The following PRDM2 variants were observed in gnomAD, a reference collection of about 807,000 sequenced individuals.
The protein encoded by PRDM2 is PR/SET domain 2.
In PRDM2, 30 loss-of-function variants were observed where a neutral mutation model predicts 130.0. The observed-to-expected ratio is 0.23, with a 90% CI of 0.17 to 0.31. The LOEUF is 0.31. Among genes scored for constraint, PRDM2 ranks in the 10% least tolerant of loss-of-function variants. The pLI is 1.00. For missense variants in PRDM2, 2,011 were observed against 2,108.4 expected, an observed-to-expected ratio of 0.95 and a Z score of 0.90; for synonymous variants, 871 against 782.4, an observed-to-expected ratio of 1.11 and a Z score of -1.89.
Position 13,816,443 on chromosome 1 carries a change from G to A in PRDM2, c.5053G>A (p.Ala1685Thr), listed in dbSNP as rs747595980. The stretch of plus-strand genomic sequence containing the variant: ...CCTGCACAGCTACAGCCTCCGCTTG[G>A]CGTCCCGATGCTCTCCACCAGCGGC... Reference protein sequence around the residue: ...LKDFSYSLRLASRCSPPAAPY... With the variant: ...LKDFSYSLRLTSRCSPPAAPY... The change falls in exon 9 of 10, where the codon GCG becomes ACG. Residue 1685 changes from alanine to threonine, a missense_variant. Ala to Thr is a moderately conservative substitution (Grantham distance 58). This residue lies in a region of PRDM2 where 410 missense variants were observed against 395.9 expected (regional missense o/e 1.04). Transcript: ENST00000311066. 4 of 1,614,116 alleles carry A rather than the reference G, an allele frequency of 2.5e-6. No individual in the cohort carries two copies. The South Asian group carries it at 4.4e-5, about 18-fold the overall frequency.
rs767301563 is a variant in PRDM2 at position 13,816,409 on chromosome 1, G to T, written c.5037-18G>T. ...CTGGGCTCCTGTGACAATGTGTGTT[G>T]TTCCTCTTCCTGCACAGCTACAGCC... is the stretch of plus-strand genomic sequence containing the variant. On this transcript the variant is annotated intron_variant, in intron 8 of 9. Transcript: ENST00000311066. 22 of 1,613,710 alleles carry T rather than the reference G, an allele frequency of 1.4e-5. No homozygotes were observed. The South Asian group carries it at 2.2e-4, about 16-fold the overall frequency.
chr1:13,732,944 C>T (rs908317396), intron 4 of PRDM2, 62 bp downstream of exon 4: 2 of 1,114,764 alleles, frequency 1.8e-6, no homozygotes, highest in Admixed American at 2.7e-5. Flanking sequence ...TCTGTTCTCT[C>T]AGAATTTGAC....
At position 13,778,589 on chromosome 1, in the gene PRDM2, A is replaced by G. The variant is rs373992678; in HGVS notation, c.794A>G (p.Asp265Gly). ...GAAGCGGCAGCTTGTGAGGTGAATG[A>G]TTTGGGGGAAGAGGAGGAGGAGGAA... is the stretch of plus-strand genomic sequence containing the variant. ...RLEAAACEVN[D>G]LGEEEEEEEE... Residue 265 changes from aspartate (D) to glycine (G), a missense_variant, in exon 8 of 10, where the codon GAT becomes GGT. Asp to Gly is a moderately conservative substitution (Grantham distance 94). Coordinates refer to ENST00000311066, the MANE Select transcript of PRDM2 (RefSeq NM_001393986.1). 8.7e-6 allele frequency: 14 copies of G among 1,613,992 alleles called. No homozygotes were observed. The highest frequency in any genetic ancestry group is 1.2e-5 in the Non-Finnish European group (14 of 1,180,032).
At chr1:13,760,333 TA>T (rs140361467) in intron 6 of PRDM2, among the ~76,000 whole-genome samples, 11 of 148,752 alleles carry the variant, frequency 7.4e-5, no homozygotes, top group Middle Eastern at 3.5e-3. Flanking sequence ...CTAAGCACAT[TA>T]AAAAAAAAAC....
chr1:13,782,110 T>C lies in PRDM2; in HGVS notation c.4315T>C (p.Ser1439Pro). 1 of 1,613,610 alleles carries C rather than the reference T, an allele frequency of 6.2e-7. No individual in the cohort carries two copies. Among genetic ancestry groups the C allele is most frequent in the Non-Finnish European group, 8.5e-7 (1 of 1,179,946 alleles). The change falls in exon 8 of 10, where the codon TCT becomes CCT. Residue 1439 changes from serine (S) to proline (P), a missense_variant. Ser to Pro is a moderately conservative substitution (Grantham distance 74). Around this residue, in one of 5 missense-constraint regions of PRDM2, gnomAD observed 410 missense variants for 395.9 expected, o/e 1.04. Transcript: ENST00000311066. ...VQKAILQKNK[S>P]AKQKADLKNA... ...GAAAGCAATTCTTCAGAAAAACAAA[T>C]CTGCAAAGCAGAAGGCCGACTTGAA...
chr1:13,779,910 G>T lies in PRDM2; in HGVS notation c.2115G>T (p.Gly705=). 6.3e-7 allele frequency: 1 copy of T among 1,595,192 alleles called. No homozygotes were observed. The highest frequency in any genetic ancestry group is 8.5e-7 in the Non-Finnish European group (1 of 1,170,304). ...CCCAAGATAAACTAACTCCTGCAGG[G>T]ATTTCAGCAACTGAAATAGCTAAAT... The part of the protein sequence containing the change: ...LQTQDKLTPA[G]ISATEIAKLG... Residue 705 remains glycine (G), a synonymous_variant, in exon 8 of 10, where the codon GGG becomes GGT. Transcript: ENST00000311066. The surrounding 1 kb of genome is among the most constrained non-coding windows in gnomAD (Gnocchi z 4.9).
Position 13,806,732 on chromosome 1 carries a change from C to T in PRDM2, c.5037-9695C>T, listed in dbSNP as rs940959260. On this transcript the variant is annotated intron_variant, in intron 8 of 9. Transcript: ENST00000311066. This position sits in a 1 kb window ranked among gnomAD's most constrained non-coding sequence, Gnocchi z 4.1. Reference sequence around the variant, plus strand: ...GTGTCCCCAGTTCCTTCCCTGTCAACCCACGGTCTGTGCCCAGCACAGCAG... The same window carrying T: ...GTGTCCCCAGTTCCTTCCCTGTCAATCCACGGTCTGTGCCCAGCACAGCAG... Among the ~76,000 whole-genome samples, 1 of 152,180 alleles carries T rather than the reference C, an allele frequency of 6.6e-6. No individual in the cohort carries two copies. The highest frequency in any genetic ancestry group is 1.5e-5 in the Non-Finnish European group (1 of 68,038).
intron 1 of PRDM2, among the ~76,000 whole-genome samples, chr1:13,703,242 C>T (rs1642118154): frequency 6.6e-6 from 1 of 152,198 alleles, no homozygotes; most frequent in Admixed American, 6.5e-5. Context: ...TGAGAGAATT[C>T]TCTGTTGTGG....
chr1:13,814,184 C>T (rs1263226305), intron 8 of PRDM2, among the ~76,000 whole-genome samples: 1 of 152,224 alleles, frequency 6.6e-6, no homozygotes, highest in Non-Finnish European at 1.5e-5. Flanking sequence ...TCCTGGGGCA[C>T]CAGCCAGCTA....
chr1:13,799,738 G>A (rs970268597), intron 8 of PRDM2, among the ~76,000 whole-genome samples: 3 of 152,142 alleles, frequency 2.0e-5, no homozygotes, highest in Non-Finnish European at 2.9e-5. Flanking sequence ...TGTTTATGCC[G>A]CTTGTATTTA....
intron 4 of PRDM2, among the ~76,000 whole-genome samples, chr1:13,740,157 T>A (rs1371828509): frequency 6.6e-6 from 1 of 152,248 alleles, no homozygotes; most frequent in Non-Finnish European, 1.5e-5. Context: ...AACACTTTGC[T>A]TTTTGCAAAT....
intron 7 of PRDM2, among the ~76,000 whole-genome samples, chr1:13,774,967 CAAAAA>C (rs35869788): frequency 2.0e-5 from 2 of 99,472 alleles, no homozygotes; most frequent in Non-Finnish European, 4.0e-5. Context: ...GACTCCGTCT[CAAAAA>C]AAAAAAAAAA....
intron 1 of PRDM2, among the ~76,000 whole-genome samples, chr1:13,702,526 G>T (rs1239560109): frequency 6.6e-6 from 1 of 152,192 alleles, no homozygotes; most frequent in East Asian, 1.9e-4. Flanking sequence ...GTCATAAGAA[G>T]TAACACTCAA....
At chr1:13,744,254 A>T (rs1643536128) in intron 5 of PRDM2, among the ~76,000 whole-genome samples, 1 of 152,190 alleles carries the variant, frequency 6.6e-6, no homozygotes, top group Non-Finnish European at 1.5e-5. Context: ...TTAGATCTTG[A>T]CTTGCTGTGA....
In PRDM2 at chr1:13,824,498, G is replaced by A. The variant is rs972324637; in HGVS notation, c.*1363G>A. 12 of 152,116 alleles carry A rather than the reference G, an allele frequency of 7.9e-5. No homozygotes were observed. Among genetic ancestry groups the A allele is most frequent in the African/African-American group, 2.4e-4 (10 of 41,402 alleles). The allele number at this position is 152,116 out of a possible 1,614,324, so 9.4% of individuals were successfully genotyped here. On this transcript the variant is annotated 3_prime_UTR_variant, in exon 10 of 10. Transcript: ENST00000311066. ...TGAGTCAGTCAATCGGCTGCAGTAT[G>A]GGATCTGATAAGGATCTAGGAGAAG... is the stretch of plus-strand genomic sequence containing the variant.
chr1:13,770,337 G>A (rs750840408), intron 6 of PRDM2: 2 of 491,202 alleles, frequency 4.1e-6, no homozygotes, highest in Admixed American at 4.1e-5. Context: ...GTTTTAGACA[G>A]TTATGTGATT....
intron 8 of PRDM2, among the ~76,000 whole-genome samples, chr1:13,814,387 GC>G (rs1195683232): frequency 6.6e-6 from 1 of 152,362 alleles, no homozygotes; most frequent in East Asian, 1.9e-4. Flanking sequence ...AGAGAGCCAG[GC>G]CCTTGGGGGA....
chr1:13,735,223 T>C (rs1643230749), intron 4 of PRDM2, among the ~76,000 whole-genome samples: 1 of 152,232 alleles, frequency 6.6e-6, no homozygotes, highest in Non-Finnish European at 1.5e-5. Context: ...ACTGAAAACA[T>C]TCTGTTAAAT....
In PRDM2 at chr1:13,794,499, A is replaced by G. The variant is rs556365419; in HGVS notation, c.5036+11668A>G. On this transcript the variant is annotated intron_variant, in intron 8 of 9. Transcript: ENST00000311066. ...GCTCAATAAATATTTGTTGAATAAA[A>G]TATTTGAATTCTGGCTTTATCATGT... Among the ~76,000 whole-genome samples, 8 of 152,344 alleles carry G rather than the reference A, an allele frequency of 5.3e-5. 1 individual carries two copies. The South Asian group carries it at 1.7e-3, about 32-fold the overall frequency.
Sources: allele counts gnomAD v4.1 joint callset (sites outside exome capture counted in the v4.1 genomes callset), GRCh38; gene constraint gnomAD v4.1.1; regional missense constraint gnomAD v4.1.1; non-coding constraint Gnocchi (gnomAD v3.1); transcripts MANE v1.5; gene names NCBI Gene and HGNC (gene_info 2026-07-23, HGNC 2026-07-21).